ZNF609: variants seen among roughly 807,000 people sequenced by gnomAD.
The protein encoded by ZNF609 is zinc finger protein 609.
Under a neutral mutation model 109.5 loss-of-function variants are expected in ZNF609, and 11 were observed. The observed-to-expected ratio is 0.10, with a 90% CI of 0.06 to 0.17. The LOEUF is 0.17. Ranked by LOEUF, ZNF609 falls within the 10% of genes least tolerant of loss-of-function variation. ZNF609 has a pLI of 1.00. For synonymous variants in ZNF609, 646 were observed against 662.0 expected, an observed-to-expected ratio of 0.98 and a Z score of 0.37; for missense variants, 1,559 against 1,772.4, an observed-to-expected ratio of 0.88 and a Z score of 2.16.
At chr15:64,629,244 G>C (rs1168494873) in intron 3 of ZNF609, among the ~76,000 whole-genome samples, 2 of 152,162 alleles carry the variant, frequency 1.3e-5, no homozygotes, top group Admixed American at 6.5e-5. Context: ...AGGGTCTGTA[G>C]CAGCTGGTGC....
rs189351601 is a variant in ZNF609, at chr15:64,678,028, T to A, written c.3403-88T>A. ...CCCCAGGTGTCTAGTACTAATTATC[T>A]GCTCTGGTGGTTCTACTGGGACCTT... is the stretch of plus-strand genomic sequence containing the variant. On this transcript the variant is annotated intron_variant, in intron 5 of 9. Coordinates refer to ENST00000326648, the MANE Select transcript of ZNF609 (RefSeq NM_015042.2). 4.8e-5 allele frequency: 73 copies of A among 1,506,538 alleles called. No individual in the cohort carries two copies. In the African/African-American group the frequency reaches 9.7e-4, roughly 20 times the overall value. The allele number at this position is 1,506,538 out of a possible 1,614,324, so 93.3% of individuals were successfully genotyped here.
chr15:64,461,562 G>A (rs1378908801), intron 1 of ZNF609, among the ~76,000 whole-genome samples: 4 of 152,130 alleles, frequency 2.6e-5, no homozygotes, highest in African/African-American at 9.7e-5. Flanking sequence ...GGGTTGAGGA[G>A]GAGGAGACAC....
intron 2 of ZNF609, among the ~76,000 whole-genome samples, chr15:64,600,529 C>T (rs1180145019): frequency 1.3e-5 from 2 of 150,384 alleles, no homozygotes; most frequent in Non-Finnish European, 3.0e-5. Flanking sequence ...CCCAGCTCCT[C>T]GAAGGCTGAG....
intron 2 of ZNF609, chr15:64,529,104 G>A: frequency 2.4e-6 from 2 of 833,822 alleles, no homozygotes; most frequent in Non-Finnish European, 2.0e-6. Context: ...TCCCGGAGGG[G>A]CCATTTATAG....
At chr15:64,465,956 T>C (rs1285941365) in intron 1 of ZNF609, among the ~76,000 whole-genome samples, 1 of 151,402 alleles carries the variant, frequency 6.6e-6, no homozygotes, top group Middle Eastern at 3.4e-3. Flanking sequence ...TCTCTACTAA[T>C]AATACAAAAA....
chr15:64,510,205 C>CTT lies in ZNF609; in HGVS notation c.747+10053_747+10054dup, dbSNP rs11413947. Among the ~76,000 whole-genome samples the CTT allele has an allele frequency of 5.7e-3, 785 of 137,896 alleles. 11 individuals carry two copies. The highest frequency in any genetic ancestry group is 0.055 in the East Asian group (266 of 4,850). 90.5% of individuals were successfully genotyped at this position (137,896 alleles called of 152,430 possible). On this transcript the variant is annotated intron_variant, in intron 2 of 9. Coordinates refer to ENST00000326648, the MANE Select transcript of ZNF609 (RefSeq NM_015042.2). ...CAACACATTGTTATAATTTTTTTTT[C>CTT]TTTTTTTTTTTTTTTAACAGACAGG...
At chr15:64,585,379 G>A (rs537879642) in intron 2 of ZNF609, among the ~76,000 whole-genome samples, 4 of 152,180 alleles carry the variant, frequency 2.6e-5, no homozygotes, top group African/African-American at 7.2e-5. Context: ...GTTTAGCCCC[G>A]AGGAAGGTAG....
chr15:64,662,346 CT>C (rs371252208), intron 3 of ZNF609, among the ~76,000 whole-genome samples: 1,774 of 150,016 alleles, frequency 0.012, 11 homozygotes, highest in Middle Eastern at 0.024. Context: ...TAGGCCCCAT[CT>C]TTTTTTTTTC....
chr15:64,563,800 A>AAAACG (rs983961599), intron 2 of ZNF609, among the ~76,000 whole-genome samples: 1 of 151,998 alleles, frequency 6.6e-6, no homozygotes, highest in African/African-American at 2.4e-5. Context: ...AAAACAAAAC[A>AAAACG]AAACAAAAAA....
intron 3 of ZNF609, chr15:64,653,996 T>C (rs775339131): frequency 1.3e-5 from 2 of 152,190 alleles, no homozygotes; most frequent in Non-Finnish European, 2.9e-5. Context: ...GAGGAAAGTC[T>C]AGAAAGGTTT....
intron 2 of ZNF609, among the ~76,000 whole-genome samples, chr15:64,552,702 T>A (rs1894503339): frequency 6.6e-6 from 1 of 152,146 alleles, no homozygotes; most frequent in South Asian, 2.1e-4. Context: ...CAGGCTGGAG[T>A]GCAGTGATGG....
chr15:64,633,844 G>A (rs1896124993), intron 3 of ZNF609, among the ~76,000 whole-genome samples: 1 of 151,584 alleles, frequency 6.6e-6, no homozygotes, highest in Non-Finnish European at 1.5e-5. Flanking sequence ...TAGTGCCACT[G>A]CGCTCCAGCC....
At chr15:64,637,958 AATATATTCTTCT>A (rs940365796) in intron 3 of ZNF609, among the ~76,000 whole-genome samples, 2 of 142,160 alleles carry the variant, frequency 1.4e-5, no homozygotes, top group Non-Finnish European at 3.1e-5. Flanking sequence ...ATCCCAAGAT[AATATATTCTTCT>A]ATGTTTTTTC....
rs7175520 is a variant in ZNF609 at position 64,542,577 on chromosome 15, T to G, written c.747+42411T>G. On this transcript the variant is annotated intron_variant, in intron 2 of 9. Transcript: ENST00000326648. Reference sequence around the variant, plus strand: ...TATTTTAATCAGTGCATCCAAAGTTTTCATTGTTCAACCTAAACTTGATTG... The same window carrying G: ...TATTTTAATCAGTGCATCCAAAGTTGTCATTGTTCAACCTAAACTTGATTG... Among the ~76,000 whole-genome samples the G allele has an allele frequency of 1.2e-3, 189 of 152,350 alleles. 1 individual carries two copies. Among genetic ancestry groups the G allele is most frequent in the African/African-American group, 4.2e-3 (173 of 41,586 alleles).
rs75489724 is a variant in ZNF609, at chr15:64,659,181, T to C, written c.974-11165T>C. On this transcript the variant is annotated intron_variant, in intron 3 of 9. Coordinates refer to ENST00000326648, the MANE Select transcript of ZNF609 (RefSeq NM_015042.2). Reference sequence around the variant, plus strand: ...ACCCATTGTTGTTAGAAATAACATGTTCAAAAGAGGTATAAAACGCGTTTT... The same window carrying C: ...ACCCATTGTTGTTAGAAATAACATGCTCAAAAGAGGTATAAAACGCGTTTT... 6.6e-3 allele frequency among the ~76,000 whole-genome samples: 1,005 copies of C among 152,298 alleles called. 15 individuals carry two copies. Among genetic ancestry groups the C allele is most frequent in the African/African-American group, 0.022 (925 of 41,574 alleles).
At chr15:64,467,570 G>A (rs189000635) in intron 1 of ZNF609, among the ~76,000 whole-genome samples, 2 of 152,302 alleles carry the variant, frequency 1.3e-5, no homozygotes, top group East Asian at 1.9e-4. Context: ...GCCTTAGCCC[G>A]GTGCGGTGGC....
intron 1 of ZNF609, among the ~76,000 whole-genome samples, chr15:64,489,779 C>T (rs969923387): frequency 1.3e-5 from 2 of 152,220 alleles, no homozygotes; most frequent in East Asian, 1.9e-4. Context: ...CTGCCCGCCT[C>T]GGCCTCCCAA....
intron 1 of ZNF609, among the ~76,000 whole-genome samples, chr15:64,471,736 A>C (rs933407412): frequency 6.6e-6 from 1 of 151,936 alleles, no homozygotes; most frequent in African/African-American, 2.4e-5. Flanking sequence ...GGCATGCGGC[A>C]CCACGCCTGG....
intron 2 of ZNF609, among the ~76,000 whole-genome samples, chr15:64,621,369 A>G (rs895743326): frequency 8.9e-5 from 13 of 146,158 alleles, no homozygotes; most frequent in African/African-American, 3.3e-4. Context: ...TTTTTTTTTG[A>G]GATAGGATTT....
Sources: gnomAD v4.1 joint callset for allele counts (sites outside exome capture counted in the v4.1 genomes callset) on GRCh38, gnomAD v4.1.1 for gene constraint, MANE v1.5 for transcripts, NCBI Gene and HGNC (gene_info 2026-07-23, HGNC 2026-07-21) for gene names.